Variants in GRID1 observed in about 807,000 individuals in gnomAD.
The protein encoded by GRID1 is glutamate ionotropic receptor delta type subunit 1.
A neutral mutation model predicts 98.0 loss-of-function variants in GRID1; 28 were observed. The observed-to-expected ratio is 0.29, with a 90% CI of 0.21 to 0.39. The LOEUF (loss-of-function observed/expected upper bound fraction) is 0.39. Ranked by LOEUF, GRID1 falls within the 10% of genes least tolerant of loss-of-function variation. GRID1 has a pLI of 1.00. For synonymous variants in GRID1, 553 were observed against 538.5 expected (o/e 1.03, Z -0.37); for missense variants, 1,111 against 1,340.5 (o/e 0.83, Z 2.67).
intron 8 of GRID1, among the ~76,000 whole-genome samples, chr10:85,748,434 C>T (rs1002254282): frequency 6.6e-6 from 1 of 152,086 alleles, no homozygotes; most frequent in South Asian, 2.1e-4. Flanking sequence ...CCAGTGAAAT[C>T]ATATGGGTAA....
chr10:85,744,368 C>A (rs1423196383), intron 8 of GRID1, among the ~76,000 whole-genome samples: 2 of 152,098 alleles, frequency 1.3e-5, no homozygotes, highest in African/African-American at 2.4e-5. Flanking sequence ...TTTTAAAACC[C>A]ACACAATTTT....
intron 4 of GRID1, among the ~76,000 whole-genome samples, chr10:86,031,920 C>T (rs564138730): frequency 1.1e-4 from 16 of 152,308 alleles, no homozygotes; most frequent in South Asian, 6.2e-4. Flanking sequence ...TCTTCCCCTA[C>T]GTCCCATTGG....
intron 12 of GRID1, among the ~76,000 whole-genome samples, chr10:85,686,180 G>C (rs1841267001): frequency 6.6e-6 from 1 of 152,148 alleles, no homozygotes; most frequent in Non-Finnish European, 1.5e-5. Context: ...TAGATCACTG[G>C]AGGAGAAAAG....
intron 8 of GRID1, among the ~76,000 whole-genome samples, chr10:85,766,175 G>C (rs1842195921): frequency 6.6e-6 from 1 of 152,314 alleles, no homozygotes; most frequent in African/African-American, 2.4e-5. Context: ...AAAGAAACTT[G>C]GAAGGGTTTC....
At chr10:85,896,588 T>C (rs1187193463) in intron 5 of GRID1, among the ~76,000 whole-genome samples, 3 of 152,240 alleles carry the variant, frequency 2.0e-5, no homozygotes, top group African/African-American at 4.8e-5. Context: ...TAGGCAACCA[T>C]GTCACAAAAT....
intron 4 of GRID1, among the ~76,000 whole-genome samples, chr10:85,997,856 T>A (rs563448266): frequency 5.9e-5 from 9 of 152,318 alleles, no homozygotes; most frequent in African/African-American, 2.2e-4. Context: ...ATAGGTAGAT[T>A]AATCATAAAA....
intron 4 of GRID1, among the ~76,000 whole-genome samples, chr10:86,118,985 T>C (rs893428643): frequency 6.6e-5 from 10 of 152,268 alleles, no homozygotes; most frequent in African/African-American, 2.4e-4. Flanking sequence ...TGCAATGTGG[T>C]ATCCTGGATA....
chr10:86,347,894 G>A (rs753551823), intron 2 of GRID1, among the ~76,000 whole-genome samples: 6 of 152,148 alleles, frequency 3.9e-5, no homozygotes, highest in South Asian at 2.1e-4. Context: ...AAACACACAC[G>A]TGGGCCACAA....
intron 8 of GRID1, among the ~76,000 whole-genome samples, chr10:85,818,692 A>G (rs1366326258): frequency 6.6e-6 from 1 of 151,960 alleles, no homozygotes; most frequent in African/African-American, 2.4e-5. Context: ...CACAGTTCCC[A>G]GTAACCAAAG....
rs567787451 is a variant in GRID1, at chr10:85,916,089, C to T, written c.780+97G>A. On this transcript the variant is annotated intron_variant, in intron 5 of 15. Coordinates refer to ENST00000327946, the MANE Select transcript of GRID1 (RefSeq NM_017551.3). The surrounding 1 kb of genome is among the most constrained non-coding windows in gnomAD (Gnocchi z 4.0). ...GGAGCCCCAGGATTCACAACAGCCC[C>T]CTAAGTCAGAATTGAACTGAAAAGA... 72 of 959,522 alleles carry T rather than the reference C, an allele frequency of 7.5e-5. No homozygotes were observed. Among genetic ancestry groups the T allele is most frequent in the Middle Eastern group, 2.5e-4 (1 of 4,020 alleles). The allele number at this position is 959,522 out of a possible 1,614,324, so 59.4% of individuals were successfully genotyped here. A position where few individuals can be genotyped will look rare whatever the true frequency, so the allele number is the denominator to read the frequency against.
chr10:85,908,154 A>G (rs551736391), intron 5 of GRID1, among the ~76,000 whole-genome samples: 2 of 152,298 alleles, frequency 1.3e-5, no homozygotes, highest in African/African-American at 4.8e-5. Context: ...CTTATATTCA[A>G]TATTGAACTG....
rs997403515 is a variant in GRID1 at position 85,673,977 on chromosome 10, C to T, written c.1998-26580G>A. Among the ~76,000 whole-genome samples, 3 of 152,230 alleles carry T rather than the reference C, an allele frequency of 2.0e-5. No homozygotes were observed. In the East Asian group the frequency reaches 5.8e-4, roughly 29 times the overall value. On this transcript the variant is annotated intron_variant, in intron 12 of 15. Transcript: ENST00000327946. ...TTTATTAAGATGATCTGGACTTGAG[C>T]AAATTCCTCTCAGATCACTCTTCTT...
At chr10:86,274,266 CTG>C (rs1006806906) in intron 2 of GRID1, among the ~76,000 whole-genome samples, 7 of 152,020 alleles carry the variant, frequency 4.6e-5, no homozygotes, top group Non-Finnish European at 5.9e-5. Flanking sequence ...TGTTCCAGAT[CTG>C]TATCTCTGTT....
chr10:85,775,006 G>A (rs944430251), intron 8 of GRID1, among the ~76,000 whole-genome samples: 1 of 152,042 alleles, frequency 6.6e-6, no homozygotes, highest in Non-Finnish European at 1.5e-5. Flanking sequence ...AAATCATGCT[G>A]CTATAAAGAC....
intron 2 of GRID1, among the ~76,000 whole-genome samples, chr10:86,303,583 A>C (rs1323386007): frequency 6.6e-6 from 1 of 152,240 alleles, no homozygotes; most frequent in Admixed American, 6.5e-5. Flanking sequence ...TCTTCCTGCC[A>C]TTCCATGAGG....
intron 13 of GRID1, chr10:85,645,943 C>A: frequency 6.6e-6 from 1 of 152,306 alleles, no homozygotes; most frequent in Non-Finnish European, 1.5e-5. Flanking sequence ...CTCCCTTGAC[C>A]CCTCTGGGGC....
intron 8 of GRID1, among the ~76,000 whole-genome samples, chr10:85,732,472 A>G (rs1451957775): frequency 6.6e-5 from 10 of 152,156 alleles, no homozygotes. Context: ...TTGATCAACA[A>G]GGCTTTACCT....
chr10:86,149,455 G>A (rs558698556), intron 3 of GRID1, among the ~76,000 whole-genome samples: 4 of 152,284 alleles, frequency 2.6e-5, no homozygotes, highest in South Asian at 4.1e-4. Context: ...TGAATGAGCC[G>A]TACCCACACC....
At chr10:85,676,035 T>C (rs1841141395) in intron 12 of GRID1, among the ~76,000 whole-genome samples, 1 of 152,210 alleles carries the variant, frequency 6.6e-6, no homozygotes, top group South Asian at 2.1e-4. Flanking sequence ...CTAAAAAGGC[T>C]GTGCAATGCC....
Sources: allele counts gnomAD v4.1 joint callset (sites outside exome capture counted in the v4.1 genomes callset), GRCh38; gene constraint gnomAD v4.1.1; non-coding constraint Gnocchi (gnomAD v3.1); transcripts MANE v1.5; gene names NCBI Gene and HGNC (gene_info 2026-07-23, HGNC 2026-07-21).